CDH12: variants seen among roughly 807,000 people sequenced by gnomAD.
CDH12 encodes the protein cadherin-12.
In CDH12, 41 loss-of-function variants were observed where a neutral mutation model predicts 74.1. That is an observed-to-expected ratio of 0.55 (90% confidence interval 0.43 to 0.72). CDH12 has a LOEUF of 0.72. Ranked by LOEUF, CDH12 falls within the 30% of genes least tolerant of loss-of-function variation. CDH12 has a pLI of 0.00. For synonymous variants in CDH12, 399 were observed against 355.0 expected (o/e 1.12, Z -1.39); for missense variants, 945 against 977.2 (o/e 0.97, Z 0.44).
At chr5:22,333,079 A>G (rs1359281192) in intron 3 of CDH12, among the ~76,000 whole-genome samples, 1 of 152,222 alleles carries the variant, frequency 6.6e-6, no homozygotes, top group Non-Finnish European at 1.5e-5. Context: ...ATGCTCTTCA[A>G]TGATAGGCTG....
At chr5:21,918,878 C>A (rs1467859835) in intron 6 of CDH12, among the ~76,000 whole-genome samples, 1 of 152,030 alleles carries the variant, frequency 6.6e-6, no homozygotes, top group Non-Finnish European at 1.5e-5. Flanking sequence ...AAATTTAATT[C>A]TTGTTATTTC....
At chr5:22,425,170 T>TATATATATAA (rs1343972232) in intron 2 of CDH12, among the ~76,000 whole-genome samples, 16 of 100,696 alleles carry the variant, frequency 1.6e-4, no homozygotes, top group Non-Finnish European at 2.2e-4. Flanking sequence ...TATATATATA[T>TATATATATAA]AAATATATAT....
intron 3 of CDH12, among the ~76,000 whole-genome samples, chr5:22,236,684 T>G (rs537612479): frequency 2.6e-5 from 4 of 152,272 alleles, no homozygotes; most frequent in Admixed American, 2.6e-4. Context: ...GAGGCAGAGG[T>G]TGCAGTGAGC....
At chr5:22,086,582 C>G (rs1050801353) in intron 4 of CDH12, among the ~76,000 whole-genome samples, 1 of 152,022 alleles carries the variant, frequency 6.6e-6, no homozygotes, top group Non-Finnish European at 1.5e-5. Context: ...TGGCATTGAA[C>G]TCCTGACCTT....
At chr5:22,596,876 A>T (rs768443284) in intron 1 of CDH12, among the ~76,000 whole-genome samples, 6 of 152,202 alleles carry the variant, frequency 3.9e-5, no homozygotes, top group Non-Finnish European at 8.8e-5. Context: ...TTCAGTTGAC[A>T]AGAGTTATCT....
intron 8 of CDH12, among the ~76,000 whole-genome samples, chr5:21,822,704 G>T (rs1748440813): frequency 6.6e-6 from 1 of 152,010 alleles, no homozygotes; most frequent in African/African-American, 2.4e-5. Flanking sequence ...CAAGTATTTG[G>T]CACTAGAGCT....
At chr5:22,641,773 T>G (rs1004140112) in intron 1 of CDH12, among the ~76,000 whole-genome samples, 11 of 152,206 alleles carry the variant, frequency 7.2e-5, no homozygotes, top group East Asian at 3.9e-4. Context: ...ATCTTAAAAT[T>G]TTTATGTTTA....
intron 1 of CDH12, among the ~76,000 whole-genome samples, chr5:22,739,246 A>T (rs1188017258): frequency 6.6e-6 from 1 of 152,000 alleles, no homozygotes; most frequent in Non-Finnish European, 1.5e-5. Context: ...AAATGAATGT[A>T]TTAGGGCCTA....
chr5:21,783,214 G>T (rs1355125303), intron 11 of CDH12, 144 bp downstream of exon 11: 7 of 650,032 alleles, frequency 1.1e-5, no homozygotes, highest in Middle Eastern at 3.5e-4. Context: ...ATGCTCTGAG[G>T]AAAAGGAATA....
chr5:22,733,780 G>A (rs941053309), intron 1 of CDH12, among the ~76,000 whole-genome samples: 5 of 151,866 alleles, frequency 3.3e-5, no homozygotes, highest in Non-Finnish European at 5.9e-5. Flanking sequence ...GACTTTACTC[G>A]ACTAGTTAGA....
intron 5 of CDH12, among the ~76,000 whole-genome samples, chr5:22,033,028 C>G (rs138337956): frequency 7.4e-6 from 1 of 134,710 alleles, no homozygotes; most frequent in Admixed American, 7.5e-5. Flanking sequence ...ATATAAACAT[C>G]TTGCTTCCAA....
intron 1 of CDH12, among the ~76,000 whole-genome samples, chr5:22,698,885 C>T (rs960856838): frequency 4.0e-5 from 6 of 150,510 alleles, no homozygotes; most frequent in Middle Eastern, 3.5e-3. Flanking sequence ...GAGTTTTCTC[C>T]GTATACAATT....
intron 2 of CDH12, among the ~76,000 whole-genome samples, chr5:22,428,268 A>G (rs1744026418): frequency 6.6e-6 from 1 of 152,152 alleles, no homozygotes; most frequent in South Asian, 2.1e-4. Flanking sequence ...ATGTATATAT[A>G]GATATCATAT....
chr5:22,826,445 C>T (rs1736325845), intron 1 of CDH12, among the ~76,000 whole-genome samples: 1 of 152,092 alleles, frequency 6.6e-6, no homozygotes, highest in South Asian at 2.1e-4. Flanking sequence ...TAGAGTAGGG[C>T]ACTGCTGAAA....
chr5:22,074,149 A>T (rs1742141334), intron 5 of CDH12, among the ~76,000 whole-genome samples: 1 of 152,158 alleles, frequency 6.6e-6, no homozygotes, highest in South Asian at 2.1e-4. Flanking sequence ...AGCCCTCAGA[A>T]ATAATGCTGC....
Position 22,658,415 on chromosome 5 carries a change from TA to T in CDH12, c.-522-153052del, listed in dbSNP as rs554170500. ...TATAATTCTAATGTATAAAGGTATA[TA>T]TTTTCTTCTATGCTATGTGCATAAA... On this transcript the variant is annotated intron_variant, in intron 1 of 14. Coordinates refer to ENST00000382254, the MANE Select transcript of CDH12 (RefSeq NM_004061.5). 2.6e-5 allele frequency among the ~76,000 whole-genome samples: 4 copies of T among 152,278 alleles called. No individual in the cohort carries two copies. The South Asian group carries it at 8.3e-4, about 32-fold the overall frequency.
At chr5:22,064,853 G>T (rs1741450920) in intron 5 of CDH12, among the ~76,000 whole-genome samples, 1 of 152,134 alleles carries the variant, frequency 6.6e-6, no homozygotes, top group African/African-American at 2.4e-5. Flanking sequence ...ACAGACGTGA[G>T]ATTGTTGGGA....
At chr5:22,258,878 C>G (rs1561261986) in intron 3 of CDH12, among the ~76,000 whole-genome samples, 3 of 152,112 alleles carry the variant, frequency 2.0e-5, no homozygotes, top group Non-Finnish European at 4.4e-5. Flanking sequence ...AATATTCACA[C>G]AGCAAGAATA....
chr5:21,789,500 T>A (rs1175507643), intron 10 of CDH12, among the ~76,000 whole-genome samples: 5 of 152,300 alleles, frequency 3.3e-5, no homozygotes, highest in Admixed American at 1.3e-4. Context: ...TTCCAGAGAC[T>A]GTAAATGAGC....
Sources: gnomAD v4.1 joint callset for allele counts (sites outside exome capture counted in the v4.1 genomes callset) on GRCh38, gnomAD v4.1.1 for gene constraint, MANE v1.5 for transcripts, NCBI Gene and HGNC (gene_info 2026-07-23, HGNC 2026-07-21) for gene names.